Variants in ANKS1B observed in about 807,000 individuals in gnomAD.
ANKS1B encodes the protein ankyrin repeat and sterile alpha motif domain-containing protein 1B.
In ANKS1B, 36 loss-of-function variants were observed where a neutral mutation model predicts 148.3. That is an observed-to-expected ratio of 0.24 (90% confidence interval 0.19 to 0.32). The LOEUF is 0.32. Among genes scored for constraint, ANKS1B ranks in the 10% least tolerant of loss-of-function variants. ANKS1B has a pLI of 1.00. For synonymous variants in ANKS1B, 542 were observed against 560.8 expected, an observed-to-expected ratio of 0.97 and a Z score of 0.47; for missense variants, 1,157 against 1,542.6, an observed-to-expected ratio of 0.75 and a Z score of 4.19.
chr12:99,112,289 T>G (rs1309851933), intron 15 of ANKS1B, among the ~76,000 whole-genome samples: 1 of 152,174 alleles, frequency 6.6e-6, no homozygotes, highest in Non-Finnish European at 1.5e-5. Flanking sequence ...GACCCTGGAA[T>G]GTCTGAATTA....
chr12:99,694,754 T>C (rs1202010722), intron 8 of ANKS1B, among the ~76,000 whole-genome samples: 3 of 152,278 alleles, frequency 2.0e-5, no homozygotes, highest in East Asian at 1.9e-4. Context: ...TTTTAATCCA[T>C]AGAATTTTAG....
chr12:99,151,137 G>C (rs1601120306), intron 15 of ANKS1B, among the ~76,000 whole-genome samples: 1 of 152,206 alleles, frequency 6.6e-6, no homozygotes, highest in South Asian at 2.1e-4. Context: ...AAAGTTGTTT[G>C]AAATTTTGTC....
intron 11 of ANKS1B, among the ~76,000 whole-genome samples, chr12:99,443,304 C>T (rs917743942): frequency 4.0e-5 from 6 of 151,838 alleles, no homozygotes; most frequent in Admixed American, 3.3e-4. Context: ...AATCACAAAC[C>T]ATGCAGCATT....
chr12:99,617,405 T>C (rs1173850722), intron 9 of ANKS1B, among the ~76,000 whole-genome samples: 1 of 152,112 alleles, frequency 6.6e-6, no homozygotes, highest in Non-Finnish European at 1.5e-5. Flanking sequence ...CCATCAATGA[T>C]AGACTGGATA....
rs57571566 is a variant in ANKS1B, at chr12:99,122,995, A to AT, written c.2526+31293_2526+31294insA. On this transcript the variant is annotated intron_variant, in intron 15 of 26. Coordinates refer to ENST00000683438, the MANE Select transcript of ANKS1B (RefSeq NM_001352186.2). ...GAAATAAATCAGTAAAATTAAAAAAAAAATATATATATATATATAAACATG... is the reference window on the plus strand; with the variant it reads ...GAAATAAATCAGTAAAATTAAAAAAATAAATATATATATATATATAAACATG... Among the ~76,000 whole-genome samples, 300 of 141,520 alleles carry AT rather than the reference A, an allele frequency of 2.1e-3. 5 individuals are homozygous for AT. The highest frequency in any genetic ancestry group is 7.2e-3 in the African/African-American group (273 of 37,734). 92.8% of individuals were successfully genotyped at this position (141,520 alleles called of 152,430 possible).
chr12:99,280,413 T>G (rs1233252769), intron 12 of ANKS1B, among the ~76,000 whole-genome samples: 1 of 152,166 alleles, frequency 6.6e-6, no homozygotes, highest in East Asian at 1.9e-4. Flanking sequence ...TATTAGTTAG[T>G]TCTGGACAAT....
chr12:99,721,632 T>A (rs1309902647), intron 8 of ANKS1B, among the ~76,000 whole-genome samples: 1 of 152,216 alleles, frequency 6.6e-6, no homozygotes, highest in Admixed American at 6.5e-5. Flanking sequence ...CCTATCTCCC[T>A]TCGCTGACTC....
intron 1 of ANKS1B, among the ~76,000 whole-genome samples, chr12:99,962,245 C>T (rs1603504563): frequency 6.6e-6 from 1 of 152,248 alleles, no homozygotes. Context: ...GTTCCCCTCC[C>T]TGTGTCCATG....
intron 15 of ANKS1B, among the ~76,000 whole-genome samples, chr12:99,124,417 C>CCTGTGTGTGTGTGT (rs1491426061): frequency 1.0e-3 from 58 of 57,132 alleles, no homozygotes; most frequent in African/African-American, 4.3e-3. Context: ...TATTTGTGTG[C>CCTGTGTGTGTGTGT]ATGTGTGTGT....
At chr12:98,894,859 C>T (rs1286392648) in intron 17 of ANKS1B, 1 of 980,164 alleles carries the variant, frequency 1.0e-6, no homozygotes, top group Non-Finnish European at 1.2e-6. Flanking sequence ...GCCGGGCTCT[C>T]CCCGCGAGCT....
intron 17 of ANKS1B, among the ~76,000 whole-genome samples, chr12:99,008,406 T>C (rs1208121591): frequency 6.6e-6 from 1 of 152,098 alleles, no homozygotes; most frequent in African/African-American, 2.4e-5. Flanking sequence ...GGCAAATCAA[T>C]GAGAGAACTT....
rs573471767 is a variant in ANKS1B, at chr12:99,046,558, G to T, written c.2778+6599C>A. ...CTCATGCCTGTAATCCCAGCACTTT[G>T]GGAGGCCGAGGCAGGCGGATCACAA... On this transcript the variant is annotated intron_variant, in intron 17 of 26. Transcript: ENST00000683438. Among the ~76,000 whole-genome samples, 3 of 152,108 alleles carry T rather than the reference G, an allele frequency of 2.0e-5. No individual in the cohort carries two copies. In the South Asian group the frequency reaches 6.2e-4, roughly 32 times the overall value.
intron 9 of ANKS1B, among the ~76,000 whole-genome samples, chr12:99,542,190 T>A (rs976785175): frequency 6.6e-6 from 1 of 152,178 alleles, no homozygotes; most frequent in Non-Finnish European, 1.5e-5. Flanking sequence ...AAACTTTATT[T>A]GAAATAATGG....
intron 12 of ANKS1B, among the ~76,000 whole-genome samples, chr12:99,376,935 A>G (rs2093413287): frequency 6.6e-6 from 1 of 152,018 alleles, no homozygotes; most frequent in Non-Finnish European, 1.5e-5. Flanking sequence ...TGTTTTAATG[A>G]AAAAAGTTTA....
chr12:99,740,503 G>A (rs968903336), intron 8 of ANKS1B, among the ~76,000 whole-genome samples: 1 of 152,126 alleles, frequency 6.6e-6, no homozygotes, highest in Non-Finnish European at 1.5e-5. Flanking sequence ...AAAAGGATCT[G>A]CTCATATGAA....
chr12:99,303,650 T>C (rs764488560), intron 12 of ANKS1B, among the ~76,000 whole-genome samples: 2 of 152,126 alleles, frequency 1.3e-5, no homozygotes, highest in Admixed American at 6.6e-5. Flanking sequence ...CGTATTTCAA[T>C]AGTTTTGGGG....
At chr12:99,505,281 A>G (rs1463127228) in intron 9 of ANKS1B, among the ~76,000 whole-genome samples, 1 of 152,096 alleles carries the variant, frequency 6.6e-6, no homozygotes, top group Non-Finnish European at 1.5e-5. Context: ...GAGCTGCTCA[A>G]ATAGACCCAG....
At chr12:99,240,323 T>C (rs2089020440) in intron 14 of ANKS1B, among the ~76,000 whole-genome samples, 1 of 152,174 alleles carries the variant, frequency 6.6e-6, no homozygotes, top group African/African-American at 2.4e-5. Flanking sequence ...AGAAGGCCAC[T>C]ATATAATGGT....
At chr12:99,666,688 T>C (rs1165492903) in intron 8 of ANKS1B, among the ~76,000 whole-genome samples, 2 of 152,148 alleles carry the variant, frequency 1.3e-5, no homozygotes, top group African/African-American at 4.8e-5. Flanking sequence ...TCAAATGGTA[T>C]TATTAGGTTA....
Sources: allele counts gnomAD v4.1 joint callset (sites outside exome capture counted in the v4.1 genomes callset), GRCh38; gene constraint gnomAD v4.1.1; transcripts MANE v1.5; gene names NCBI Gene and HGNC (gene_info 2026-07-23, HGNC 2026-07-21).